Variants in PLXDC2 observed in about 807,000 individuals in gnomAD.
PLXDC2 encodes plexin domain-containing protein 2.
PLXDC2 carries 40 observed loss-of-function variants against 68.9 expected under a neutral mutation model. That is an observed-to-expected ratio of 0.58 (90% CI 0.45 to 0.76). The LOEUF (loss-of-function observed/expected upper bound fraction) is 0.76. PLXDC2 is among the 30% of genes least tolerant of loss of function. PLXDC2 has a pLI of 0.00. For synonymous variants in PLXDC2, 243 were observed against 234.2 expected, an observed-to-expected ratio of 1.04 and a Z score of -0.34; for missense variants, 644 against 661.9, an observed-to-expected ratio of 0.97 and a Z score of 0.30.
chr10:20,206,157 T>C (rs536429644), intron 9 of PLXDC2, among the ~76,000 whole-genome samples: 49 of 152,136 alleles, frequency 3.2e-4, no homozygotes, highest in Non-Finnish European at 5.6e-4. Flanking sequence ...AATTATAATA[T>C]GTCAACATGC....
chr10:20,041,143 T>TA (rs1425839901), intron 2 of PLXDC2, among the ~76,000 whole-genome samples: 1 of 152,200 alleles, frequency 6.6e-6, no homozygotes, highest in Non-Finnish European at 1.5e-5. Context: ...AGCTAATAGT[T>TA]ACGGAATTTT....
intron 2 of PLXDC2, among the ~76,000 whole-genome samples, chr10:20,026,482 T>C (rs886777077): frequency 3.3e-5 from 5 of 152,198 alleles, no homozygotes; most frequent in Non-Finnish European, 7.4e-5. Flanking sequence ...ATAAGTGAAG[T>C]GGTATCTTTT....
chr10:19,892,747 G>T (rs1837986980), intron 1 of PLXDC2, among the ~76,000 whole-genome samples: 1 of 152,070 alleles, frequency 6.6e-6, no homozygotes, highest in South Asian at 2.1e-4. Context: ...GTATTTGATG[G>T]TCACTTTCTG....
At chr10:20,219,212 T>G in intron 12 of PLXDC2, 110 bp downstream of exon 12, 1 of 1,166,090 alleles carries the variant, frequency 8.6e-7, no homozygotes. Context: ...TGAGGTTGTG[T>G]TTTATTCTCC....
chr10:20,109,177 C>T (rs1387148970), intron 4 of PLXDC2, among the ~76,000 whole-genome samples: 2 of 152,064 alleles, frequency 1.3e-5, no homozygotes, highest in Non-Finnish European at 2.9e-5. Context: ...TTACATTTTC[C>T]CAAAATTTTG....
chr10:19,942,487 G>T (rs1370842604), intron 1 of PLXDC2, among the ~76,000 whole-genome samples: 1 of 152,168 alleles, frequency 6.6e-6, no homozygotes, highest in Non-Finnish European at 1.5e-5. Flanking sequence ...ATTGGGCCAG[G>T]CATGGTGGCT....
chr10:19,927,872 T>A (rs1234808472), intron 1 of PLXDC2, among the ~76,000 whole-genome samples: 3 of 152,154 alleles, frequency 2.0e-5, no homozygotes, highest in Non-Finnish European at 4.4e-5. Context: ...AGATTAATCG[T>A]ACAGTGGTAA....
chr10:20,258,898 C>G (rs572429371), intron 13 of PLXDC2, among the ~76,000 whole-genome samples: 1 of 151,886 alleles, frequency 6.6e-6, no homozygotes, highest in Non-Finnish European at 1.5e-5. Flanking sequence ...GTCCCAGCTA[C>G]TCAGGAGGCT....
chr10:20,083,094 G>T (rs1367406133), intron 4 of PLXDC2, among the ~76,000 whole-genome samples: 7 of 152,062 alleles, frequency 4.6e-5, no homozygotes, highest in Admixed American at 4.6e-4. Flanking sequence ...TATTAATAGT[G>T]GTAACCCCCT....
intron 1 of PLXDC2, among the ~76,000 whole-genome samples, chr10:19,874,904 T>C (rs752318): frequency 0.045 from 6,802 of 152,146 alleles, 194 homozygotes; most frequent in Middle Eastern, 0.12. Flanking sequence ...TTGGCACCTG[T>C]TCTTCGAGGT....
At chr10:20,070,265 T>C (rs559554458) in intron 4 of PLXDC2, among the ~76,000 whole-genome samples, 134 of 152,280 alleles carry the variant, frequency 8.8e-4, no homozygotes, top group African/African-American at 3.1e-3. Flanking sequence ...CATTAAAGTG[T>C]AGAAAGACTG....
chr10:20,235,138 C>T (rs4436460), intron 12 of PLXDC2, among the ~76,000 whole-genome samples: 3 of 152,176 alleles, frequency 2.0e-5, no homozygotes, highest in Admixed American at 6.5e-5. Flanking sequence ...TGGTTCCCTT[C>T]AGGTGGTTGC....
At chr10:20,084,103 C>G (rs1004480915) in intron 4 of PLXDC2, among the ~76,000 whole-genome samples, 1 of 152,176 alleles carries the variant, frequency 6.6e-6, no homozygotes, top group Admixed American at 6.5e-5. Flanking sequence ...ATAAGTCTTA[C>G]AGATTTGGCA....
chr10:20,147,306 A>G (rs1834093098), intron 5 of PLXDC2, among the ~76,000 whole-genome samples: 1 of 152,212 alleles, frequency 6.6e-6, no homozygotes, highest in South Asian at 2.1e-4. Context: ...CATTAGTGTT[A>G]AAGGAACTCC....
intron 3 of PLXDC2, among the ~76,000 whole-genome samples, chr10:20,053,688 G>T (rs1305000412): frequency 6.6e-6 from 1 of 152,126 alleles, no homozygotes; most frequent in Non-Finnish European, 1.5e-5. Context: ...TGAAATGACA[G>T]TTGATGACAT....
chr10:19,945,940 C>G (rs1362046512), intron 1 of PLXDC2, among the ~76,000 whole-genome samples: 2 of 152,182 alleles, frequency 1.3e-5, no homozygotes, highest in African/African-American at 4.8e-5. Context: ...TCCAAATCCC[C>G]TGTTATAATT....
intron 1 of PLXDC2, among the ~76,000 whole-genome samples, chr10:19,929,529 CT>C (rs1426650455): frequency 6.6e-6 from 1 of 152,158 alleles, no homozygotes; most frequent in Non-Finnish European, 1.5e-5. Flanking sequence ...AACAGTAAAT[CT>C]TTTAAAAATC....
intron 1 of PLXDC2, among the ~76,000 whole-genome samples, chr10:19,925,430 T>C: frequency 6.6e-6 from 1 of 152,254 alleles, no homozygotes; most frequent in East Asian, 1.9e-4. Flanking sequence ...GAGAGGCTTT[T>C]GATCTGCTTT....
intron 9 of PLXDC2, among the ~76,000 whole-genome samples, chr10:20,206,863 C>G (rs1564353250): frequency 6.8e-6 from 1 of 147,694 alleles, no homozygotes. Context: ...CACACACACA[C>G]ACACACACAC....
Sources: allele counts gnomAD v4.1 joint callset (sites outside exome capture counted in the v4.1 genomes callset), GRCh38; gene constraint gnomAD v4.1.1; transcripts MANE v1.5; gene names NCBI Gene and HGNC (gene_info 2026-07-23, HGNC 2026-07-21).